Variants in ZKSCAN3 observed in about 807,000 individuals in gnomAD.
ZKSCAN3 encodes the protein zinc finger protein with KRAB and SCAN domains 3.
In ZKSCAN3, 21 loss-of-function variants were observed where a neutral mutation model predicts 30.7. The ratio of observed to expected loss-of-function variants is 0.68; its 90% confidence interval spans 0.49 to 0.99. The LOEUF (loss-of-function observed/expected upper bound fraction) is 0.99. ZKSCAN3 is among the 50% of genes least tolerant of loss of function. The pLI is 0.00. For synonymous variants in ZKSCAN3, 201 were observed against 246.7 expected, an observed-to-expected ratio of 0.81 and a Z score of 1.73; for missense variants, 507 against 647.1, an observed-to-expected ratio of 0.78 and a Z score of 2.35.
chr6:28,354,862 G>GTAGT (rs1765320282), intron 1 of ZKSCAN3, among the ~76,000 whole-genome samples: 2 of 152,226 alleles, frequency 1.3e-5, no homozygotes, highest in Non-Finnish European at 2.9e-5. Flanking sequence ...TAACTTCTAG[G>GTAGT]TAGTTAGCCA....
In ZKSCAN3 at chr6:28,359,596, G is replaced by T. The variant is rs1158689033; in HGVS notation, c.10G>T (p.Glu4Ter). The stretch of plus-strand genomic sequence containing the variant: ...ACTGCCTTGGCCTAGGATGGCTAGA[G>T]AATTAAGTGAAAGCACAGCCCTGGA... MAR[E>*]LSESTALDAQ... The change falls in exon 2 of 6, where the codon GAA becomes TAA. Residue 4 changes from glutamate to a stop codon, truncating the protein, a stop_gained. Transcript: ENST00000252211. LOFTEE classifies it high-confidence loss of function. The T allele has an allele frequency of 9.3e-6, 15 of 1,613,928 alleles. No homozygotes were observed. The highest frequency in any genetic ancestry group is 1.3e-5 in the Non-Finnish European group (15 of 1,179,826).
chr6:28,357,870 C>T (rs1249962904), intron 1 of ZKSCAN3, among the ~76,000 whole-genome samples: 2 of 146,752 alleles, frequency 1.4e-5, no homozygotes, highest in Non-Finnish European at 3.1e-5. Context: ...TGCAGAAATC[C>T]TTCTTTCAGC....
intron 1 of ZKSCAN3, chr6:28,355,407 A>C (rs772439219): frequency 3.3e-5 from 5 of 152,228 alleles, no homozygotes; most frequent in Non-Finnish European, 7.3e-5. Flanking sequence ...ATATGCAGTT[A>C]GTAACTGCTT....
chr6:28,354,162 C>T (rs967020576), intron 1 of ZKSCAN3: 1 of 354,118 alleles, frequency 2.8e-6, no homozygotes. Flanking sequence ...CCAGTTCTCT[C>T]TTACAGGGTC....
At chr6:28,357,391 CG>C (rs1390147961) in intron 1 of ZKSCAN3, among the ~76,000 whole-genome samples, 2 of 152,168 alleles carry the variant, frequency 1.3e-5, no homozygotes, top group African/African-American at 2.4e-5. Flanking sequence ...AGGATTTTGA[CG>C]ACCTCAGGAA....
chr6:28,354,819 G>A (rs1377457876), intron 1 of ZKSCAN3, among the ~76,000 whole-genome samples: 1 of 152,246 alleles, frequency 6.6e-6, no homozygotes, highest in Non-Finnish European at 1.5e-5. Flanking sequence ...CACATGGCCT[G>A]GCCCTACATG....
At chr6:28,356,850 AGCTCATGCTGTG>A (rs1477055536) in intron 1 of ZKSCAN3, among the ~76,000 whole-genome samples, 2 of 152,234 alleles carry the variant, frequency 1.3e-5, no homozygotes, top group African/African-American at 2.4e-5. Context: ...TGGGTGCCAC[AGCTCATGCTGTG>A]GCTGCATAGC....
At chr6:28,363,887 T>C in intron 5 of ZKSCAN3, 72 bp downstream of exon 5, 1 of 1,565,234 alleles carries the variant, frequency 6.4e-7, no homozygotes, top group Non-Finnish European at 8.7e-7. Context: ...TGTTGAGCTA[T>C]TGGAAGCTGT....
intron 2 of ZKSCAN3, chr6:28,360,720 C>G: frequency 2.0e-6 from 2 of 985,442 alleles, no homozygotes; most frequent in Non-Finnish European, 2.4e-6. Context: ...GGGTCTGTTG[C>G]ACCCAAGGCC....
chr6:28,363,670 A>G (rs753253740), intron 4 of ZKSCAN3, 22 bp from the exon 5 acceptor site: 37 of 1,613,628 alleles, frequency 2.3e-5, no homozygotes, highest in Middle Eastern at 1.6e-4. Context: ...CCCTTCTTCA[A>G]TGGGATTACC....
In ZKSCAN3 at chr6:28,366,226, A is replaced by G. The variant is rs946512521; in HGVS notation, c.1558A>G (p.Ile520Val). ...CNACGKGFTR[I>V]SYLVQHQRSH... ...TGCGTGTGGAAAAGGCTTCACCCGA[A>G]TTTCATACCTTGTTCAACATCAGAG... The change falls in exon 6 of 6, where the codon ATT becomes GTT. Residue 520 changes from isoleucine (I) to valine (V), a missense_variant. Coordinates refer to ENST00000252211, the MANE Select transcript of ZKSCAN3 (RefSeq NM_024493.4). The G allele has an allele frequency of 1.3e-6, 2 of 1,566,612 alleles. No individual in the cohort carries two copies. The highest frequency in any genetic ancestry group is 1.7e-4 in the Middle Eastern group (1 of 5,790).
rs78371185 is a variant in ZKSCAN3 at position 28,353,725 on chromosome 6, G to T, written c.-63+3658G>T. 3.2e-3 allele frequency: 1,348 copies of T among 420,996 alleles called. 13 individuals are homozygous for T. Among genetic ancestry groups the T allele is most frequent in the African/African-American group, 0.023 (1,107 of 48,710 alleles). The allele number at this position is 420,996 out of a possible 1,614,324, so 26.1% of individuals were successfully genotyped here. On this transcript the variant is annotated intron_variant, in intron 1 of 5. Transcript: ENST00000252211. ...AGAAATAGAAGTTAAAACCTTGCGA[G>T]TGATTAAAGATAGTTCTGGGGAAGA... is the stretch of plus-strand genomic sequence containing the variant.
intron 2 of ZKSCAN3, 146 bp from the exon 3 acceptor site, chr6:28,361,178 A>G (rs1023751527): frequency 2.3e-6 from 2 of 878,454 alleles, no homozygotes; most frequent in African/African-American, 3.5e-5. Flanking sequence ...AAATGGGTAT[A>G]ATAATAATAC....
intron 1 of ZKSCAN3, chr6:28,356,375 A>T (rs1179402904): frequency 6.6e-6 from 1 of 152,294 alleles, no homozygotes; most frequent in Non-Finnish European, 1.5e-5. Flanking sequence ...TAAAGAAGCC[A>T]GCTTTTCCAT....
At chr6:28,365,372 C>T in intron 5 of ZKSCAN3, 54 bp from the exon 6 acceptor site, 1 of 1,560,764 alleles carries the variant, frequency 6.4e-7, no homozygotes, top group Non-Finnish European at 8.6e-7. Flanking sequence ...GTACTCATCA[C>T]AGAGCTTTCC....
At chr6:28,362,443 A>G (rs547285439) in intron 3 of ZKSCAN3, among the ~76,000 whole-genome samples, 54 of 152,208 alleles carry the variant, frequency 3.5e-4, no homozygotes, top group Non-Finnish European at 7.3e-4. Context: ...GTGTTCTGAG[A>G]TGTCCTTTCA....
In ZKSCAN3 at chr6:28,365,846, C is replaced by A. The variant is rs762012780; in HGVS notation, c.1178C>A (p.Thr393Asn). Reference protein sequence around the residue: ...SDLIKHQRTHTGEKPYECDDC... With the variant: ...SDLIKHQRTHNGEKPYECDDC... ...CTTATCAAGCATCAGAGAACCCACA[C>A]TGGGGAGAAGCCCTATGAGTGTGAT... Residue 393 changes from threonine (T) to asparagine (N), a missense_variant, in exon 6 of 6, where the codon ACT becomes AAT. By Grantham distance (65) the Thr-to-Asn change is moderately conservative (BLOSUM62 0). Coordinates refer to ENST00000252211, the MANE Select transcript of ZKSCAN3 (RefSeq NM_024493.4). The A allele has an allele frequency of 3.7e-6, 6 of 1,614,046 alleles. No individual in the cohort carries two copies. Among genetic ancestry groups the A allele is most frequent in the South Asian group, 1.1e-5 (1 of 91,066 alleles).
At chr6:28,358,899 GAAAAAAAAAAAAA>G (rs201554097) in intron 1 of ZKSCAN3, among the ~76,000 whole-genome samples, 1 of 106,076 alleles carries the variant, frequency 9.4e-6, no homozygotes, top group African/African-American at 3.3e-5. Flanking sequence ...AAACAAATAA[GAAAAAAAAAAAAA>G]AAAAAAAAAA....
chr6:28,364,995 G>C (rs1408757592), intron 5 of ZKSCAN3, among the ~76,000 whole-genome samples: 1 of 152,174 alleles, frequency 6.6e-6, no homozygotes, highest in Non-Finnish European at 1.5e-5. Context: ...CCCAGTCGCT[G>C]TTTCTCAAAG....
Sources: allele counts gnomAD v4.1 joint callset (sites outside exome capture counted in the v4.1 genomes callset), GRCh38; gene constraint gnomAD v4.1.1; transcripts MANE v1.5; gene names NCBI Gene and HGNC (gene_info 2026-07-23, HGNC 2026-07-21).